The following XRCC4 variants were observed in gnomAD, a reference collection of about 807,000 sequenced individuals.
The protein encoded by XRCC4 is DNA repair protein XRCC4.
A neutral mutation model predicts 39.1 loss-of-function variants in XRCC4; 28 were observed. That is an observed-to-expected ratio of 0.72 (90% confidence interval 0.53 to 0.98). The LOEUF (loss-of-function observed/expected upper bound fraction) is 0.98. Ranked by LOEUF, XRCC4 falls within the 50% of genes least tolerant of loss-of-function variation. The pLI, the probability that XRCC4 is intolerant of heterozygous loss-of-function variation, is 0.00. For missense variants in XRCC4, 350 were observed against 376.4 expected (o/e 0.93, Z 0.58); for synonymous variants, 123 against 126.4 (o/e 0.97, Z 0.18).
intron 1 of XRCC4, among the ~76,000 whole-genome samples, chr5:83,085,021 A>G (rs749403211): frequency 8.5e-5 from 13 of 152,234 alleles, no homozygotes; most frequent in Non-Finnish European, 1.8e-4. Context: ...CCTGGAGGAC[A>G]TTGTATCCTG....
intron 6 of XRCC4, among the ~76,000 whole-genome samples, chr5:83,255,908 G>A (rs929998101): frequency 2.0e-5 from 3 of 152,156 alleles, no homozygotes; most frequent in Admixed American, 1.3e-4. Context: ...ATCTCTAGGT[G>A]TAAATAGGCC....
At chr5:83,296,164 A>T (rs1172458185) in intron 7 of XRCC4, among the ~76,000 whole-genome samples, 1 of 152,106 alleles carries the variant, frequency 6.6e-6, no homozygotes, top group Non-Finnish European at 1.5e-5. Flanking sequence ...TTTATGCCAA[A>T]GTATTAAGTA....
chr5:83,305,653 A>C lies in XRCC4; in HGVS notation c.893+46976A>C, dbSNP rs1435201131. ...AAAATTGGTAAAACTCAATTTCATT[A>C]AGATAATCTCTTAAAGGATGGCTGA... On this transcript the variant is annotated intron_variant, in intron 7 of 7. Coordinates refer to ENST00000396027, the MANE Select transcript of XRCC4 (RefSeq NM_003401.5). 2.0e-5 allele frequency among the ~76,000 whole-genome samples: 3 copies of C among 152,126 alleles called. No homozygotes were observed. In the East Asian group the frequency reaches 5.8e-4, roughly 29 times the overall value.
intron 4 of XRCC4, among the ~76,000 whole-genome samples, chr5:83,196,458 C>T (rs938827399): frequency 1.4e-4 from 21 of 151,836 alleles, no homozygotes; most frequent in African/African-American, 5.1e-4. Context: ...CATTTGGAAG[C>T]CTTTTATTTT....
chr5:83,078,395 G>A (rs929420440), intron 1 of XRCC4, among the ~76,000 whole-genome samples: 1 of 152,222 alleles, frequency 6.6e-6, no homozygotes, highest in African/African-American at 2.4e-5. Flanking sequence ...GGTTCTAAAT[G>A]TGTGGTGTAT....
At position 83,202,642 on chromosome 5, in the gene XRCC4, G is replaced by A. The variant is rs1751256271; in HGVS notation, c.483-910G>A. Among the ~76,000 whole-genome samples, 3 of 151,792 alleles carry A rather than the reference G, an allele frequency of 2.0e-5. No individual in the cohort carries two copies. The South Asian group carries it at 6.2e-4, about 32-fold the overall frequency. ...ATATGTGTGTGTGTGTTTATGTACAGTATAAAAATACTAGGATACCTGTAA... is the reference window on the plus strand; with the variant it reads ...ATATGTGTGTGTGTGTTTATGTACAATATAAAAATACTAGGATACCTGTAA... On this transcript the variant is annotated intron_variant, in intron 4 of 7. Transcript: ENST00000396027.
At chr5:83,278,237 G>A (rs966431807) in intron 7 of XRCC4, among the ~76,000 whole-genome samples, 2 of 152,180 alleles carry the variant, frequency 1.3e-5, no homozygotes, top group Non-Finnish European at 2.9e-5. Context: ...GATTGAAGCG[G>A]TAGTCTTCAC....
At chr5:83,357,362 T>C (rs1757201814), downstream of XRCC4, among the ~76,000 whole-genome samples, 1 of 151,836 alleles carries the variant, frequency 6.6e-6, no homozygotes, top group African/African-American at 2.4e-5. Context: ...TATGAAGGAG[T>C]GGTAGTCCAG....
At chr5:83,144,805 A>G (rs2112532295) in intron 3 of XRCC4, among the ~76,000 whole-genome samples, 1 of 152,008 alleles carries the variant, frequency 6.6e-6, no homozygotes, top group African/African-American at 2.4e-5. Flanking sequence ...AAAATTTTAT[A>G]GTTTTTTATT....
intron 6 of XRCC4, among the ~76,000 whole-genome samples, chr5:83,251,437 T>C (rs1040434050): frequency 4.9e-5 from 7 of 144,088 alleles, no homozygotes; most frequent in African/African-American, 1.8e-4. Flanking sequence ...GGCAGGAGAA[T>C]GGCTTGAACC....
intron 4 of XRCC4, among the ~76,000 whole-genome samples, chr5:83,202,500 A>T (rs1378908097): frequency 1.3e-5 from 2 of 152,182 alleles, no homozygotes; most frequent in East Asian, 3.8e-4. Flanking sequence ...GATTGTTGAA[A>T]GTTTAAGGGC....
chr5:83,113,756 A>G (rs1036438470), intron 3 of XRCC4, among the ~76,000 whole-genome samples: 1 of 151,874 alleles, frequency 6.6e-6, no homozygotes, highest in Non-Finnish European at 1.5e-5. Flanking sequence ...CCTCCCAGGT[A>G]GCTGGGACTA....
At chr5:83,129,473 C>G (rs543353964) in intron 3 of XRCC4, among the ~76,000 whole-genome samples, 1 of 151,896 alleles carries the variant, frequency 6.6e-6, no homozygotes, top group African/African-American at 2.4e-5. Flanking sequence ...TTTTTTGGTT[C>G]CATATGAACT....
chr5:83,309,755 C>CAA lies in XRCC4; in HGVS notation c.894-43351_894-43350dup, dbSNP rs10597317. Among the ~76,000 whole-genome samples the CAA allele has an allele frequency of 7.3e-3, 576 of 79,056 alleles. 26 individuals are homozygous for CAA. The highest frequency in any genetic ancestry group is 0.055 in the East Asian group (112 of 2,038). The allele number at this position is 79,056 out of a possible 152,430, so 51.9% of individuals were successfully genotyped here. On this transcript the variant is annotated intron_variant, in intron 7 of 7. Transcript: ENST00000396027. ...CTGGGCGACAGAGTGAGACCCGTCTCAAAAAAAAAAAAAAAAAAAAAAAAA... is the reference window on the plus strand; with the variant it reads ...CTGGGCGACAGAGTGAGACCCGTCTCAAAAAAAAAAAAAAAAAAAAAAAAAAA...
chr5:83,269,997 C>T (rs979643990), intron 7 of XRCC4, among the ~76,000 whole-genome samples: 11 of 135,930 alleles, frequency 8.1e-5, no homozygotes, highest in South Asian at 2.2e-4. Flanking sequence ...CAGTGGGAGC[C>T]CTGAGCTTGT....
chr5:83,243,380 G>A (rs1752985752), intron 6 of XRCC4, among the ~76,000 whole-genome samples: 1 of 152,146 alleles, frequency 6.6e-6, no homozygotes, highest in African/African-American at 2.4e-5. Context: ...GGCAGATTTG[G>A]TTTCTCCTGA....
chr5:83,295,493 CAG>C (rs1755061929), intron 7 of XRCC4, among the ~76,000 whole-genome samples: 1 of 151,942 alleles, frequency 6.6e-6, no homozygotes, highest in Non-Finnish European at 1.5e-5. Context: ...GGGAAACAAA[CAG>C]GGAGTTGAGA....
intron 6 of XRCC4, among the ~76,000 whole-genome samples, chr5:83,230,392 T>A (rs1752453070): frequency 6.6e-6 from 1 of 152,002 alleles, no homozygotes; most frequent in African/African-American, 2.4e-5. Flanking sequence ...GAAAGAAAAT[T>A]AGGCTTTGCC....
intron 7 of XRCC4, among the ~76,000 whole-genome samples, chr5:83,293,317 C>G (rs1012081409): frequency 2.2e-4 from 34 of 151,492 alleles, no homozygotes; most frequent in African/African-American, 6.8e-4. Context: ...TAATACTACA[C>G]TATGCTTAAC....
Sources: allele counts gnomAD v4.1 joint callset (sites outside exome capture counted in the v4.1 genomes callset), GRCh38; gene constraint gnomAD v4.1.1; transcripts MANE v1.5; gene names NCBI Gene and HGNC (gene_info 2026-07-23, HGNC 2026-07-21).